Variants in AKAP6 observed in about 807,000 individuals in gnomAD.
AKAP6 encodes the protein A-kinase anchor protein 6.
AKAP6 carries 58 observed loss-of-function variants against 188.5 expected under a neutral mutation model. The observed-to-expected ratio is 0.31, with a 90% confidence interval of 0.25 to 0.38. AKAP6 has a LOEUF of 0.38. Among genes scored for constraint, AKAP6 ranks in the 10% least tolerant of loss-of-function variants. The pLI, the probability that AKAP6 is intolerant of heterozygous loss-of-function variation, is 1.00. For missense variants in AKAP6, 2,710 were observed against 2,740.0 expected (o/e 0.99, Z 0.24); for synonymous variants, 989 against 998.6 (o/e 0.99, Z 0.18).
Position 32,546,617 on chromosome 14 carries a change from C to G in AKAP6, c.1964C>G (p.Pro655Arg). The change falls in exon 4 of 14, where the codon CCT becomes CGT. Residue 655 changes from proline (P) to arginine (R), a missense_variant. Coordinates refer to ENST00000280979, the MANE Select transcript of AKAP6 (RefSeq NM_004274.5). ...LKLENLTKLL[P>R]QKPRGETIQN... ...TTGGAAAACCTAACAAAGCTTCTGC[C>G]TCAGAAACCCAGAGGAGAAACCATC... 6.2e-7 allele frequency: 1 copy of G among 1,614,154 alleles called. No homozygotes were observed. The highest frequency in any genetic ancestry group is 8.5e-7 in the Non-Finnish European group (1 of 1,180,018).
intron 1 of AKAP6, among the ~76,000 whole-genome samples, chr14:32,413,919 G>T (rs1349397492): frequency 2.0e-5 from 3 of 151,030 alleles, no homozygotes; most frequent in Non-Finnish European, 4.4e-5. Flanking sequence ...TCAGAAGGTA[G>T]TCAGGAATTT....
At chr14:32,434,354 G>A (rs917961002) in intron 2 of AKAP6, among the ~76,000 whole-genome samples, 3 of 152,060 alleles carry the variant, frequency 2.0e-5, no homozygotes, top group Non-Finnish European at 4.4e-5. Flanking sequence ...CTAAAGTTCA[G>A]ACATTTAAAA....
intron 7 of AKAP6, among the ~76,000 whole-genome samples, chr14:32,652,532 A>G (rs947416297): frequency 6.6e-5 from 10 of 152,210 alleles, no homozygotes; most frequent in Non-Finnish European, 1.3e-4. Context: ...AAAATTTCTT[A>G]CAAGGAAATT....
intron 1 of AKAP6, among the ~76,000 whole-genome samples, chr14:32,404,706 A>ATATATATATATG (rs1157356858): frequency 7.5e-6 from 1 of 133,082 alleles, no homozygotes; most frequent in South Asian, 2.5e-4. Flanking sequence ...ATATATATAT[A>ATATATATATATG]TATATTAGTC....
chr14:32,518,559 AG>A (rs745961513), intron 2 of AKAP6, among the ~76,000 whole-genome samples: 25 of 152,246 alleles, frequency 1.6e-4, no homozygotes, highest in Non-Finnish European at 3.2e-4. Context: ...CACAAGCTTC[AG>A]TAGCCAATTC....
intron 7 of AKAP6, among the ~76,000 whole-genome samples, chr14:32,642,526 T>C (rs1413871458): frequency 6.6e-6 from 1 of 152,218 alleles, no homozygotes; most frequent in Non-Finnish European, 1.5e-5. Context: ...GTTGATTTAT[T>C]TTTTACATAG....
intron 1 of AKAP6, among the ~76,000 whole-genome samples, chr14:32,374,257 AAC>A (rs1888093995): frequency 6.6e-6 from 1 of 152,220 alleles, no homozygotes; most frequent in Admixed American, 6.5e-5. Flanking sequence ...ATCACAGCTC[AAC>A]ACGGTAAGTG....
At chr14:32,654,934 A>G (rs938091486) in intron 7 of AKAP6, among the ~76,000 whole-genome samples, 8 of 152,174 alleles carry the variant, frequency 5.3e-5, no homozygotes, top group Non-Finnish European at 1.0e-4. Context: ...AAGGACTTCT[A>G]TAAAGTCACA....
intron 2 of AKAP6, among the ~76,000 whole-genome samples, chr14:32,437,897 T>G (rs144055908): frequency 4.3e-4 from 66 of 152,288 alleles, no homozygotes; most frequent in African/African-American, 8.9e-4. Flanking sequence ...TTATTATTTT[T>G]TTAATGGTTC....
chr14:32,366,181 A>G (rs1887828112), intron 1 of AKAP6, among the ~76,000 whole-genome samples: 1 of 151,810 alleles, frequency 6.6e-6, no homozygotes, highest in South Asian at 2.1e-4. Flanking sequence ...GAAGAGAGCC[A>G]CCTGTGCTCA....
chr14:32,725,084 C>T (rs928003736), intron 9 of AKAP6, among the ~76,000 whole-genome samples: 10 of 143,030 alleles, frequency 7.0e-5, no homozygotes, highest in Non-Finnish European at 1.4e-4. Flanking sequence ...GGATTCTCTC[C>T]AAATGGTTCA....
At chr14:32,649,255 A>G (rs1167830775) in intron 7 of AKAP6, among the ~76,000 whole-genome samples, 2 of 152,174 alleles carry the variant, frequency 1.3e-5, no homozygotes, top group African/African-American at 4.8e-5. Flanking sequence ...TCAGTTAATG[A>G]AATACAAGGT....
chr14:32,517,858 G>T (rs1373976408), intron 2 of AKAP6, among the ~76,000 whole-genome samples: 2 of 152,214 alleles, frequency 1.3e-5, no homozygotes, highest in African/African-American at 4.8e-5. Flanking sequence ...GGTTCTCCTA[G>T]CACGGAGTTT....
rs376685913 is a variant in AKAP6 at position 32,731,348 on chromosome 14, T to G, written c.3001-1106T>G. On this transcript the variant is annotated intron_variant, in intron 9 of 13. Coordinates refer to ENST00000280979, the MANE Select transcript of AKAP6 (RefSeq NM_004274.5). ...TTTGGGATCTTATATAATATCATGT[T>G]TTCAAGGTGAGTGAAATCACCCAAG... is the stretch of plus-strand genomic sequence containing the variant. Among the ~76,000 whole-genome samples, 3 of 152,238 alleles carry G rather than the reference T, an allele frequency of 2.0e-5. No individual in the cohort carries two copies. The East Asian group carries it at 5.8e-4, about 29-fold the overall frequency.
chr14:32,819,200 T>A (rs931282459), intron 12 of AKAP6, among the ~76,000 whole-genome samples: 18 of 152,196 alleles, frequency 1.2e-4, no homozygotes, highest in African/African-American at 4.3e-4. Context: ...AACTTAAAAA[T>A]TTCCCTTAAT....
intron 12 of AKAP6, among the ~76,000 whole-genome samples, chr14:32,804,724 A>T (rs973655790): frequency 6.6e-6 from 1 of 152,078 alleles, no homozygotes; most frequent in Non-Finnish European, 1.5e-5. Flanking sequence ...ACTGTAGGAG[A>T]CCAGGGCATA....
Position 32,801,556 on chromosome 14 carries a change from G to T in AKAP6, c.3589-19846G>T, listed in dbSNP as rs111374357. 4.2e-3 allele frequency among the ~76,000 whole-genome samples: 642 copies of T among 152,214 alleles called. 5 individuals are homozygous for T. The highest frequency in any genetic ancestry group is 0.014 in the African/African-American group (577 of 41,542). On this transcript the variant is annotated intron_variant, in intron 12 of 13. Coordinates refer to ENST00000280979, the MANE Select transcript of AKAP6 (RefSeq NM_004274.5). ...TCTTTTAGATCAATTAAAAATAAGA[G>T]AACTGAAAGATTTGATTTTACCTTA...
At chr14:32,539,261 A>C (rs1388487964) in intron 3 of AKAP6, among the ~76,000 whole-genome samples, 1 of 152,180 alleles carries the variant, frequency 6.6e-6, no homozygotes, top group Non-Finnish European at 1.5e-5. Flanking sequence ...ACAATAGGAA[A>C]CATTGATTGA....
At chr14:32,332,402 A>T (rs927516335) in intron 1 of AKAP6, among the ~76,000 whole-genome samples, 1 of 152,046 alleles carries the variant, frequency 6.6e-6, no homozygotes, top group Non-Finnish European at 1.5e-5. Flanking sequence ...CACTGTAAGG[A>T]TGAGCATGAA....
Sources: allele counts gnomAD v4.1 joint callset (sites outside exome capture counted in the v4.1 genomes callset), GRCh38; gene constraint gnomAD v4.1.1; transcripts MANE v1.5; gene names NCBI Gene and HGNC (gene_info 2026-07-23, HGNC 2026-07-21).